ENTPD6: variants seen among roughly 807,000 people sequenced by gnomAD.
The protein encoded by ENTPD6 is CD39 antigen-like 2.
A neutral mutation model predicts 61.5 loss-of-function variants in ENTPD6; 46 were observed. The ratio of observed to expected loss-of-function variants is 0.75; its 90% CI spans 0.59 to 0.96. The LOEUF is 0.96. Ranked by LOEUF, ENTPD6 falls within the 40% of genes least tolerant of loss-of-function variation. The probability of loss-of-function intolerance (pLI) is 0.00; values close to 1 mark genes in which losing one functional copy is unlikely to be tolerated. For missense variants in ENTPD6, 612 were observed against 629.0 expected (o/e 0.97, Z 0.29); for synonymous variants, 252 against 255.5 (o/e 0.99, Z 0.13).
At chr20:25,224,080 T>A in intron 12 of ENTPD6, 21 bp from the exon 13 acceptor site, 1 of 1,608,780 alleles carries the variant, frequency 6.2e-7, no homozygotes, top group Admixed American at 1.7e-5. Context: ...TCCTGCAGAC[T>A]GGGTGTTGTG....
In ENTPD6 at chr20:25,222,973, T is replaced by C. The variant is rs773970409; in HGVS notation, c.1181T>C (p.Leu394Pro). The change falls in exon 12 of 15, where the codon CTC becomes CCC. Residue 394 changes from leucine to proline, a missense_variant. Coordinates refer to ENST00000376652, the MANE Select transcript of ENTPD6 (RefSeq NM_001247.5). ...YYYDLAAGVG[L>P]IDAEKGGSLV... The stretch of plus-strand genomic sequence containing the variant: ...TACGACCTTGCAGCTGGTGTGGGCC[T>C]CATAGGTAAGGGGGCCCGGATGGGC... The C allele has an allele frequency of 6.3e-7, 1 of 1,582,468 alleles. No homozygotes were observed. The highest frequency in any genetic ancestry group is 1.1e-5 in the South Asian group (1 of 90,660).
At position 25,224,222 on chromosome 20, in the gene ENTPD6, G is replaced by A. The variant is rs559817725; in HGVS notation, c.1243+65G>A. 14 of 1,471,082 alleles carry A rather than the reference G, an allele frequency of 9.5e-6. No homozygotes were observed. The South Asian group carries it at 9.6e-5, about 10-fold the overall frequency. The allele number at this position is 1,471,082 out of a possible 1,614,324, so 91.1% of individuals were successfully genotyped here. On this transcript the variant is annotated intron_variant, in intron 13 of 14. Coordinates refer to ENST00000376652, the MANE Select transcript of ENTPD6 (RefSeq NM_001247.5). The stretch of plus-strand genomic sequence containing the variant: ...GCCCCGTGATGCTCGTGACGCAGGC[G>A]CTGGCCCTGACTCTCCTGGGTGTAG...
intron 1 of ENTPD6, among the ~76,000 whole-genome samples, chr20:25,205,156 G>A (rs1232182540): frequency 6.6e-6 from 1 of 152,212 alleles, no homozygotes; most frequent in Non-Finnish European, 1.5e-5. Flanking sequence ...AAGACAAGCT[G>A]AGTCCCTGCC....
rs1393449137 is a variant in ENTPD6, at chr20:25,227,022, A to AT, written c.*1426dup. On this transcript the variant is annotated 3_prime_UTR_variant, in exon 15 of 15. Transcript: ENST00000376652. Reference sequence around the variant, plus strand: ...AACCTCGAGTGAGCTGCAAGTCCCCATGTCATTCTGTTCAGCAAGGATCTG... The same window carrying AT: ...AACCTCGAGTGAGCTGCAAGTCCCCATTGTCATTCTGTTCAGCAAGGATCTG... Among the ~76,000 whole-genome samples the AT allele has an allele frequency of 2.6e-5, 4 of 152,192 alleles. No homozygotes were observed. Among genetic ancestry groups the AT allele is most frequent in the Non-Finnish European group, 5.9e-5 (4 of 68,036 alleles).
chr20:25,199,923 TG>T (rs1384755770), intron 1 of ENTPD6, among the ~76,000 whole-genome samples: 2 of 152,244 alleles, frequency 1.3e-5, no homozygotes, highest in African/African-American at 4.8e-5. Flanking sequence ...TCCTGTCTGT[TG>T]TGAATAATGC....
chr20:25,218,965 T>C (rs2092499379), intron 10 of ENTPD6, among the ~76,000 whole-genome samples: 1 of 152,264 alleles, frequency 6.6e-6, no homozygotes, highest in South Asian at 2.1e-4. Flanking sequence ...CACTGCAGCC[T>C]CTGCCTGCCG....
chr20:25,207,483 G>C (rs2091605709), intron 3 of ENTPD6, 86 bp downstream of exon 3: 2 of 1,271,306 alleles, frequency 1.6e-6, no homozygotes, highest in South Asian at 3.2e-5. Context: ...ACTCACCTGG[G>C]AGCTTGTCTA....
In ENTPD6 at chr20:25,227,550, C is replaced by T. The variant is rs1011709267; in HGVS notation, c.*1953C>T. Among the ~76,000 whole-genome samples the T allele has an allele frequency of 4.6e-5, 7 of 152,218 alleles. No homozygotes were observed. Among genetic ancestry groups the T allele is most frequent in the Non-Finnish European group, 1.0e-4 (7 of 68,044 alleles). On this transcript the variant is annotated 3_prime_UTR_variant, in exon 15 of 15. Transcript: ENST00000376652. The stretch of plus-strand genomic sequence containing the variant: ...GTCTTTTGTGATAATGAAGTAGGCT[C>T]TCATTTGTCAAAAATAGCTACACGT...
At chr20:25,218,440 T>A (rs1290225027) in intron 9 of ENTPD6, 110 bp from the exon 10 acceptor site, 1 of 939,612 alleles carries the variant, frequency 1.1e-6, no homozygotes, top group Non-Finnish European at 1.7e-6. Context: ...GCTCACTAAC[T>A]GCCTTGCTGC....
chr20:25,216,174 T>C (rs2092305188), intron 7 of ENTPD6, among the ~76,000 whole-genome samples: 1 of 152,246 alleles, frequency 6.6e-6, no homozygotes, highest in African/African-American at 2.4e-5. Flanking sequence ...TGTGGATTTT[T>C]TGTCCCTTTG....
chr20:25,215,857 T>G (rs2092283728), intron 7 of ENTPD6, 146 bp downstream of exon 7: 3 of 873,390 alleles, frequency 3.4e-6, no homozygotes, highest in African/African-American at 1.6e-5. Flanking sequence ...CCATAGGGTG[T>G]TGGGGATGGG....
chr20:25,211,225 G>A (rs180940278), intron 4 of ENTPD6, among the ~76,000 whole-genome samples: 167 of 152,308 alleles, frequency 1.1e-3, no homozygotes, highest in Admixed American at 3.2e-3. Context: ...AGACAATGTA[G>A]TTCAAGCCTT....
At chr20:25,221,768 C>G (rs1190670333) in intron 11 of ENTPD6, 2 of 263,480 alleles carry the variant, frequency 7.6e-6, no homozygotes, top group Admixed American at 5.0e-5. Flanking sequence ...TGCTCTGCAC[C>G]CTTGCAGTTT....
intron 11 of ENTPD6, chr20:25,222,445 T>TGGTCG: frequency 1.1e-5 from 2 of 174,692 alleles, no homozygotes; most frequent in Admixed American, 1.1e-4. Context: ...GGCCTCCACT[T>TGGTCG]CCTTATCTAT....
intron 3 of ENTPD6, among the ~76,000 whole-genome samples, chr20:25,207,717 A>G (rs903830445): frequency 2.6e-5 from 4 of 152,106 alleles, no homozygotes; most frequent in Non-Finnish European, 5.9e-5. Context: ...CTTTGTGGGG[A>G]GTTCAGGCAG....
At chr20:25,223,879 G>T in intron 12 of ENTPD6, 2 of 414,646 alleles carry the variant, frequency 4.8e-6, no homozygotes, top group Admixed American at 4.3e-5. Context: ...TGCAGGGTTG[G>T]GTTGTGGGGT....
At position 25,225,642 on chromosome 20, in the gene ENTPD6, C is replaced by CA; in HGVS notation, c.*46dup. The CA allele has an allele frequency of 6.6e-7, 1 of 1,515,426 alleles. No individual in the cohort carries two copies. The highest frequency in any genetic ancestry group is 9.1e-7 in the Non-Finnish European group (1 of 1,095,788). 93.9% of individuals were successfully genotyped at this position (1,515,426 alleles called of 1,614,324 possible). On this transcript the variant is annotated 3_prime_UTR_variant, in exon 15 of 15. Coordinates refer to ENST00000376652, the MANE Select transcript of ENTPD6 (RefSeq NM_001247.5). Reference sequence around the variant, plus strand: ...CCCGTCAGCAGTGTCTGTGTGTCTGCATAAACCCTCCTGTCCTGGACGTGA... The same window carrying CA: ...CCCGTCAGCAGTGTCTGTGTGTCTGCAATAAACCCTCCTGTCCTGGACGTGA...
Position 25,224,111 on chromosome 20 carries a change from G to A in ENTPD6, c.1197G>A (p.Lys399=). The change falls in exon 13 of 15, where the codon AAG becomes AAA. Residue 399 remains lysine, a synonymous_variant. Coordinates refer to ENST00000376652, the MANE Select transcript of ENTPD6 (RefSeq NM_001247.5). The part of the protein sequence containing the change: ...AAGVGLIDAE[K]GGSLVVGDFE... ...TTGTGTCTCCCACAGATGCGGAGAA[G>A]GGAGGCAGCCTGGTGGTGGGGGACT... 6.2e-7 allele frequency: 1 copy of A among 1,612,418 alleles called. No homozygotes were observed. Among genetic ancestry groups the A allele is most frequent in the South Asian group, 1.1e-5 (1 of 90,772 alleles).
intron 9 of ENTPD6, 81 bp from the exon 10 acceptor site, chr20:25,218,469 T>C: frequency 7.5e-7 from 1 of 1,335,976 alleles, no homozygotes; most frequent in East Asian, 2.5e-5. Context: ...CCTTCCCCAC[T>C]CGGGCTGGGT....
Sources: gnomAD v4.1 joint callset for allele counts (sites outside exome capture counted in the v4.1 genomes callset) on GRCh38, gnomAD v4.1.1 for gene constraint, MANE v1.5 for transcripts, NCBI Gene and HGNC (gene_info 2026-07-23, HGNC 2026-07-21) for gene names.